The following ABCA4 variants were observed in gnomAD, a reference collection of about 807,000 sequenced individuals.
ABCA4 encodes the protein ATP binding cassette subfamily A member 4.
ABCA4 carries 196 observed loss-of-function variants against 263.7 expected under a neutral mutation model. The observed-to-expected ratio is 0.74, with a 90% CI of 0.66 to 0.84. The LOEUF (loss-of-function observed/expected upper bound fraction) is 0.84. Ranked by LOEUF, ABCA4 falls within the 40% of genes least tolerant of loss-of-function variation. ABCA4 has a pLI of 0.00. For synonymous variants in ABCA4, 1,133 were observed against 1,094.2 expected (o/e 1.04, Z -0.70); for missense variants, 2,792 against 2,855.1 (o/e 0.98, Z 0.50).
intron 30 of ABCA4, among the ~76,000 whole-genome samples, chr1:94,026,441 G>A (rs1182870023): frequency 2.0e-5 from 3 of 152,156 alleles, no homozygotes; most frequent in Non-Finnish European, 4.4e-5. Context: ...AGAACAGTTA[G>A]CTGACTTGCA....
chr1:94,112,992 T>G lies in ABCA4; in HGVS notation c.141A>C (p.Pro47=), dbSNP rs4847281. 1.9e-6 allele frequency: 3 copies of G among 1,613,772 alleles called. No individual in the cohort carries two copies. The highest frequency in any genetic ancestry group is 2.5e-6 in the Non-Finnish European group (3 of 1,179,700). ...GCTTACATTCATGATGGCTGTAGAG[T>G]GGGTTGGCATTCCTTAACCAGATCA... ...LVLIWLRNAN[P]LYSHHECHFP... is the part of the protein sequence containing the mutation. The change falls in exon 2 of 50, where the codon CCA becomes CCC. Residue 47 remains proline (P), a synonymous_variant. Coordinates refer to ENST00000370225, the MANE Select transcript of ABCA4 (RefSeq NM_000350.3).
At chr1:94,042,005 A>G (rs1660500379) in intron 22 of ABCA4, among the ~76,000 whole-genome samples, 1 of 147,874 alleles carries the variant, frequency 6.8e-6, no homozygotes, top group Non-Finnish European at 1.5e-5. Context: ...AGGCTGAGGC[A>G]GGAGAATGGC....
In ABCA4 at chr1:94,113,062, C is replaced by T. The variant is rs62645958; in HGVS notation, c.71G>A (p.Arg24His). 6.7e-5 allele frequency: 108 copies of T among 1,613,844 alleles called. No individual in the cohort carries two copies. The highest frequency in any genetic ancestry group is 6.5e-4 in the East Asian group (29 of 44,866). ...AGGCCACACGAGTTCCACCACAAAG[C>T]GAATCTGGAAAAACAAAACAAAAAG... Reference protein sequence around the residue: ...NWTLRKRQKIRFVVELVWPLS... With the variant: ...NWTLRKRQKIHFVVELVWPLS... Residue 24 changes from arginine to histidine, a missense_variant, in exon 2 of 50, where the codon CGC (arginine) becomes CAC (histidine). Transcript: ENST00000370225.
intron 4 of ABCA4, among the ~76,000 whole-genome samples, chr1:94,107,911 T>G (rs1253053133): frequency 6.6e-6 from 1 of 151,980 alleles, no homozygotes; most frequent in Non-Finnish European, 1.5e-5. Context: ...CCTCTTCATT[T>G]CCCCCAGTCC....
intron 23 of ABCA4, 142 bp downstream of exon 23, chr1:94,041,067 A>T: frequency 3.4e-6 from 3 of 890,388 alleles, no homozygotes; most frequent in Non-Finnish European, 5.4e-6. Context: ...GTGTTCATCG[A>T]AATCTTCTGC....
rs61749417 is a variant in ABCA4 at position 94,062,587 on chromosome 1, C to T, written c.1927G>A (p.Val643Met). The T allele has an allele frequency of 9.0e-4, 1,446 of 1,614,030 alleles. 14 individuals are homozygous for T. The African/African-American group carries it at 0.017, about 18-fold the overall frequency. ...YLQQMPYPCF[V>M]DDSFMIILNR... ...GAACTTCAGACTCACGAATCGTCCA[C>T]GAAGCAGGGGTAGGGCATCTGCTGG... Residue 643 changes from valine (V) to methionine (M), a missense_variant, in exon 13 of 50, where the codon GTG (valine) becomes ATG (methionine). Physicochemically the swap from Val to Met is conservative, Grantham distance 21 (BLOSUM62 1). Transcript: ENST00000370225.
At chr1:94,033,984 A>T (rs916964623) in intron 26 of ABCA4, among the ~76,000 whole-genome samples, 1 of 152,076 alleles carries the variant, frequency 6.6e-6, no homozygotes, top group African/African-American at 2.4e-5. Flanking sequence ...TCCTGACTGG[A>T]GCCCACTGAC....
rs370765183 is a variant in ABCA4, at chr1:94,095,063, C to G, written c.768+3731G>C. The stretch of plus-strand genomic sequence containing the variant: ...ATTTGGCTCTTATTTCTCTCCCAGT[C>G]CACCTAGGTCACCAATCTGTGTGTG... On this transcript the variant is annotated intron_variant, in intron 6 of 49. Coordinates refer to ENST00000370225, the MANE Select transcript of ABCA4 (RefSeq NM_000350.3). Among the ~76,000 whole-genome samples, 13 of 152,316 alleles carry G rather than the reference C, an allele frequency of 8.5e-5. 1 individual carries two copies. The highest frequency in any genetic ancestry group is 3.9e-4 in the Admixed American group (6 of 15,302).
intron 1 of ABCA4, among the ~76,000 whole-genome samples, chr1:94,113,632 G>A (rs1288738229): frequency 6.6e-6 from 1 of 152,162 alleles, no homozygotes; most frequent in Non-Finnish European, 1.5e-5. Context: ...CCTTGCCCTT[G>A]CAAATGTGGT....
At chr1:94,103,458 G>A (rs761156564) in intron 4 of ABCA4, among the ~76,000 whole-genome samples, 14 of 152,078 alleles carry the variant, frequency 9.2e-5, no homozygotes, top group Non-Finnish European at 1.3e-4. Context: ...ACTGAAACAG[G>A]GGAATTTCAT....
At chr1:94,077,559 T>A (rs1299908378) in intron 11 of ABCA4, 131 bp downstream of exon 11, 5 of 821,940 alleles carry the variant, frequency 6.1e-6, no homozygotes, top group South Asian at 1.8e-5. Flanking sequence ...ACAGGGGATG[T>A]AGGGATTCTT....
intron 47 of ABCA4, among the ~76,000 whole-genome samples, chr1:93,999,662 A>G (rs1659122979): frequency 6.6e-6 from 1 of 152,124 alleles, no homozygotes; most frequent in African/African-American, 2.4e-5. Context: ...ACTGACTCCA[A>G]AGCTTCCTCC....
At position 93,996,241 on chromosome 1, in the gene ABCA4, A is replaced by G. The variant is rs186117626; in HGVS notation, c.6730-46T>C. On this transcript the variant is annotated intron_variant, in intron 48 of 49. Transcript: ENST00000370225. Reference sequence around the variant, plus strand: ...AGATTAGGTAGATATTTCCAGGAAAACAGCACCCTACACCCACCTACCCAC... The same window carrying G: ...AGATTAGGTAGATATTTCCAGGAAAGCAGCACCCTACACCCACCTACCCAC... 1,091 of 1,407,314 alleles carry G rather than the reference A, an allele frequency of 7.8e-4. 3 individuals carry two copies. Among genetic ancestry groups the G allele is most frequent in the Admixed American group, 1.6e-3 (94 of 59,348 alleles). The allele number at this position is 1,407,314 out of a possible 1,614,324, so 87.2% of individuals were successfully genotyped here.
In ABCA4 at chr1:94,021,190, A is replaced by G. The variant is rs183863837; in HGVS notation, c.5018+50T>C. 6.9e-5 allele frequency: 112 copies of G among 1,611,970 alleles called. 2 individuals carry two copies. The African/African-American group carries it at 1.4e-3, about 20-fold the overall frequency. On this transcript the variant is annotated intron_variant, in intron 35 of 49. Coordinates refer to ENST00000370225, the MANE Select transcript of ABCA4 (RefSeq NM_000350.3). Reference sequence around the variant, plus strand: ...GAGAATCCTCTCAGGATGTTCAAAGAGTGGAGAAGGTGACAAGAAAGTGGT... The same window carrying G: ...GAGAATCCTCTCAGGATGTTCAAAGGGTGGAGAAGGTGACAAGAAAGTGGT...
intron 4 of ABCA4, among the ~76,000 whole-genome samples, chr1:94,105,579 T>G (rs1308848233): frequency 6.6e-6 from 1 of 151,554 alleles, no homozygotes; most frequent in African/African-American, 2.4e-5. Flanking sequence ...TAAAATGTGG[T>G]TCTTCTTGTT....
chr1:94,010,690 A>C, intron 40 of ABCA4, 110 bp downstream of exon 40: 1 of 1,526,994 alleles, frequency 6.5e-7, no homozygotes. Flanking sequence ...AGAATGTAGA[A>C]AAAACATTGT....
At position 94,030,453 on chromosome 1, in the gene ABCA4, G is replaced by A. The variant is rs533422156; in HGVS notation, c.4327C>T (p.Arg1443Cys). ...VLLNKPGFGN[R>C]CLKEGWLPEY... Reference sequence around the variant, plus strand: ...GGAAGCCACCCTTCCTTCAGGCAGCGGTTGCCAAAGCCTGGCTTATTCAGG... The same window carrying A: ...GGAAGCCACCCTTCCTTCAGGCAGCAGTTGCCAAAGCCTGGCTTATTCAGG... Residue 1443 changes from arginine (R) to cysteine (C), a missense_variant, in exon 29 of 50, where the codon CGC becomes TGC. Arg to Cys is a radical substitution (Grantham distance 180, BLOSUM62 -3). Transcript: ENST00000370225. 9.3e-6 allele frequency: 15 copies of A among 1,614,192 alleles called. No homozygotes were observed. Among genetic ancestry groups the A allele is most frequent in the East Asian group, 8.9e-5 (4 of 44,882 alleles).
At chr1:94,116,686 G>T (rs1662773767) in intron 1 of ABCA4, among the ~76,000 whole-genome samples, 2 of 152,076 alleles carry the variant, frequency 1.3e-5, no homozygotes, top group Non-Finnish European at 1.5e-5. Flanking sequence ...CCAAAATCAT[G>T]CTCAGCTTCC....
rs78659380 is a variant in ABCA4, at chr1:94,036,950, C to G, written c.3814-162G>C. Among the ~76,000 whole-genome samples, 2,188 of 152,288 alleles carry G rather than the reference C, an allele frequency of 0.014. 69 individuals carry two copies. Among genetic ancestry groups the G allele is most frequent in the African/African-American group, 0.05 (2,059 of 41,550 alleles). ...TTCTATAAATACAAAAACGTAAGCA[C>G]ACAGTAACCACAAGTACATAAAATT... is the stretch of plus-strand genomic sequence containing the variant. On this transcript the variant is annotated intron_variant, in intron 25 of 49. Transcript: ENST00000370225.
Sources: gnomAD v4.1 joint callset for allele counts (sites outside exome capture counted in the v4.1 genomes callset) on GRCh38, gnomAD v4.1.1 for gene constraint, MANE v1.5 for transcripts, NCBI Gene and HGNC (gene_info 2026-07-23, HGNC 2026-07-21) for gene names.